The following TJP3 variants were observed in gnomAD, a reference collection of about 807,000 sequenced individuals.
TJP3 encodes tight junction protein 3, also known as tight junction protein ZO-3.
Under a neutral mutation model 104.2 loss-of-function variants are expected in TJP3, and 85 were observed. The ratio of observed to expected loss-of-function variants is 0.82; its 90% confidence interval spans 0.68 to 0.98. The LOEUF is 0.98. TJP3 is among the 50% of genes least tolerant of loss of function. TJP3 has a pLI of 0.00. For missense variants in TJP3, 1,367 were observed against 1,322.8 expected (o/e 1.03, Z -0.52); for synonymous variants, 550 against 550.6 (o/e 1.00, Z 0.02).
intron 1 of TJP3, among the ~76,000 whole-genome samples, chr19:3,719,411 G>T (rs148416902): frequency 6.6e-6 from 1 of 152,074 alleles, no homozygotes; most frequent in Non-Finnish European, 1.5e-5. Flanking sequence ...GTGAGTCTGG[G>T]GCCCTTTCTG....
chr19:3,726,598 T>TG (rs1040759058), intron 1 of TJP3, among the ~76,000 whole-genome samples: 11 of 151,452 alleles, frequency 7.3e-5, no homozygotes, highest in African/African-American at 2.2e-4. Flanking sequence ...TTTTTGTTTT[T>TG]TTTTTTTCTA....
Position 3,739,106 on chromosome 19 carries a change from G to A in TJP3, c.1603G>A (p.Glu535Lys). ...VRMGRDLREQ[E>K]RGIIPNQSRA... Reference sequence around the variant, plus strand: ...CATGGGTCGTGACCTGCGGGAGCAAGAGCGGGGCATCATTCCCAACCAGAG... The same window carrying A: ...CATGGGTCGTGACCTGCGGGAGCAAAAGCGGGGCATCATTCCCAACCAGAG... The change falls in exon 13 of 21, where the codon GAG becomes AAG. Residue 535 changes from glutamate to lysine, a missense_variant. Coordinates refer to ENST00000541714, the MANE Select transcript of TJP3 (RefSeq NM_001267560.2). The A allele has an allele frequency of 6.4e-7, 1 of 1,574,764 alleles. No homozygotes were observed. The highest frequency in any genetic ancestry group is 2.3e-5 in the East Asian group (1 of 44,184).
chr19:3,734,978 CTATT>C (rs935371927), intron 8 of TJP3, among the ~76,000 whole-genome samples: 4 of 151,980 alleles, frequency 2.6e-5, no homozygotes, highest in Non-Finnish European at 4.4e-5. Context: ...TCTTTTTCCT[CTATT>C]TATTTATTTG....
At chr19:3,717,257 G>T (rs1327960038) in intron 1 of TJP3, among the ~76,000 whole-genome samples, 1 of 144,496 alleles carries the variant, frequency 6.9e-6, no homozygotes, top group African/African-American at 2.5e-5. Flanking sequence ...GAGCCACCAC[G>T]CCTGGCCCAT....
chr19:3,734,198 T>A, intron 7 of TJP3, 129 bp from the exon 8 acceptor site: 1 of 1,056,086 alleles, frequency 9.5e-7, no homozygotes, highest in Non-Finnish European at 1.4e-6. Flanking sequence ...CAGAGCCGAA[T>A]CTTCTAACTG....
rs780755247 is a variant in TJP3 at position 3,743,986 on chromosome 19, G to C, written c.1891G>C (p.Ala631Pro). 2 of 1,614,178 alleles carry C rather than the reference G, an allele frequency of 1.2e-6. No homozygotes were observed. The highest frequency in any genetic ancestry group is 2.2e-5 in the East Asian group (1 of 44,892). The change falls in exon 15 of 21, where the codon GCT becomes CCT. Residue 631 changes from alanine to proline, a missense_variant. Ala to Pro is a conservative substitution (Grantham distance 27). Coordinates refer to ENST00000541714, the MANE Select transcript of TJP3 (RefSeq NM_001267560.2). Reference sequence around the variant, plus strand: ...GATCCTGGGACCCGTGGCCGACATTGCTATGCAGAAGTTGACTGCTGAGAT... The same window carrying C: ...GATCCTGGGACCCGTGGCCGACATTCCTATGCAGAAGTTGACTGCTGAGAT... ...VVILGPVADI[A>P]MQKLTAEMPD...
At chr19:3,724,516 G>A (rs2036578230) in intron 1 of TJP3, among the ~76,000 whole-genome samples, 1 of 151,810 alleles carries the variant, frequency 6.6e-6, no homozygotes. Flanking sequence ...TTAAAGTCAG[G>A]AAATACAAAT....
intron 1 of TJP3, among the ~76,000 whole-genome samples, chr19:3,724,264 T>A (rs187191249): frequency 6.7e-6 from 1 of 148,188 alleles, no homozygotes; most frequent in Admixed American, 6.7e-5. Context: ...GGCACAATCT[T>A]GGCTCACTGC....
At chr19:3,723,271 A>G (rs1463576359) in intron 1 of TJP3, among the ~76,000 whole-genome samples, 2 of 152,144 alleles carry the variant, frequency 1.3e-5, no homozygotes, top group Non-Finnish European at 2.9e-5. Context: ...GATGTATGAT[A>G]TGCGTACGGA....
At chr19:3,727,774 G>T (rs2036615917) in intron 1 of TJP3, among the ~76,000 whole-genome samples, 1 of 152,052 alleles carries the variant, frequency 6.6e-6, no homozygotes, top group Non-Finnish European at 1.5e-5. Flanking sequence ...GTGGGCACCT[G>T]TAGGTGCCCA....
At position 3,740,587 on chromosome 19, in the gene TJP3, G is replaced by A. The variant is rs753323572; in HGVS notation, c.1667G>A (p.Arg556Lys). 1.3e-6 allele frequency: 2 copies of A among 1,530,426 alleles called. No individual in the cohort carries two copies. Among genetic ancestry groups the A allele is most frequent in the Non-Finnish European group, 1.8e-6 (2 of 1,139,648 alleles). 94.8% of individuals were successfully genotyped at this position (1,530,426 alleles called of 1,614,324 possible). A position where few individuals can be genotyped will look rare whatever the true frequency, so the allele number is the denominator to read the frequency against. Residue 556 changes from arginine (R) to lysine (K), a missense_variant, in exon 14 of 21, where the codon AGG becomes AAG. Coordinates refer to ENST00000541714, the MANE Select transcript of TJP3 (RefSeq NM_001267560.2). ...EQLASLEAAQ[R>K]AVGVGPGSSA... The stretch of plus-strand genomic sequence containing the variant: ...CTGGCCAGCCTGGAAGCTGCCCAGA[G>A]GGCCGTGGGAGTCGGGCCCGGCTCC...
intron 14 of TJP3, among the ~76,000 whole-genome samples, chr19:3,741,994 A>T (rs2036828347): frequency 6.6e-6 from 1 of 152,078 alleles, no homozygotes; most frequent in African/African-American, 2.4e-5. Context: ...AAACAAAAAA[A>T]TTTTGGGTTA....
At chr19:3,736,074 TG>T in intron 10 of TJP3, 90 bp from the exon 11 acceptor site, 1 of 1,469,364 alleles carries the variant, frequency 6.8e-7, no homozygotes, top group Non-Finnish European at 9.1e-7. Context: ...AACTGAGGCC[TG>T]GAGGGGGTGG....
intron 13 of TJP3, among the ~76,000 whole-genome samples, chr19:3,740,007 G>A (rs1264908939): frequency 6.6e-6 from 1 of 152,146 alleles, no homozygotes; most frequent in African/African-American, 2.4e-5. Context: ...GCTGAGGCGG[G>A]CAGATCACGA....
chr19:3,715,811 T>G (rs1231821296), intron 1 of TJP3, among the ~76,000 whole-genome samples: 2 of 152,162 alleles, frequency 1.3e-5, no homozygotes, highest in Admixed American at 6.6e-5. Flanking sequence ...GGAGTCTCGC[T>G]CTTGTCATCC....
intron 14 of TJP3, 63 bp from the exon 15 acceptor site, chr19:3,743,876 C>A (rs2036852758): frequency 4.0e-6 from 6 of 1,483,762 alleles, no homozygotes; most frequent in Non-Finnish European, 5.6e-6. Flanking sequence ...GTTTGTACAA[C>A]ACACTAGCAG....
Position 3,740,728 on chromosome 19 carries a change from G to T in TJP3, c.1808G>T (p.Arg603Leu). 1 of 1,595,570 alleles carries T rather than the reference G, an allele frequency of 6.3e-7. No individual in the cohort carries two copies. The highest frequency in any genetic ancestry group is 8.5e-7 in the Non-Finnish European group (1 of 1,171,932). ...EDLSALTRQG[R>L]YPPYERVVLR... The stretch of plus-strand genomic sequence containing the variant: ...CTCTCAGCTCTGACCCGACAGGGCC[G>T]CTACCCGCCCTACGAACGAGTGGTG... The change falls in exon 14 of 21, where the codon CGC (arginine) becomes CTC (leucine). Residue 603 changes from arginine (R) to leucine (L), a missense_variant. Arg to Leu is a moderately radical substitution (Grantham distance 102). Coordinates refer to ENST00000541714, the MANE Select transcript of TJP3 (RefSeq NM_001267560.2).
At chr19:3,750,004 C>A in intron 19 of TJP3, 134 bp from the exon 20 acceptor site, 1 of 1,117,470 alleles carries the variant, frequency 8.9e-7, no homozygotes, top group Non-Finnish European at 1.3e-6. Context: ...GGATGACCTG[C>A]AGACTTGTCA....
Position 3,730,630 on chromosome 19 carries a change from C to G in TJP3, c.537C>G (p.Gly179=). 6.2e-7 allele frequency: 1 copy of G among 1,612,006 alleles called. No individual in the cohort carries two copies. Among genetic ancestry groups the G allele is most frequent in the Non-Finnish European group, 8.5e-7 (1 of 1,179,966 alleles). ...SEANGLALVS[G]FKRLPRQDVQ... ...CCAACGGGCTGGCCCTGGTGTCCGG[C>G]TTTAAGCGGCTGCCACGGCAGGACG... Residue 179 remains glycine (G), a synonymous_variant, in exon 5 of 21, where the codon GGC becomes GGG. Transcript: ENST00000541714. The surrounding 1 kb of genome is among the most constrained non-coding windows in gnomAD (Gnocchi z 7.3).
Sources: allele counts gnomAD v4.1 joint callset (sites outside exome capture counted in the v4.1 genomes callset), GRCh38; gene constraint gnomAD v4.1.1; non-coding constraint Gnocchi (gnomAD v3.1); transcripts MANE v1.5; gene names NCBI Gene and HGNC (gene_info 2026-07-23, HGNC 2026-07-21).